The following KATNIP variants were observed in gnomAD, a reference collection of about 807,000 sequenced individuals.
KATNIP encodes katanin-interacting protein.
KATNIP carries 126 observed loss-of-function variants against 174.0 expected under a neutral mutation model. The ratio of observed to expected loss-of-function variants is 0.72; its 90% confidence interval spans 0.63 to 0.84. KATNIP has a LOEUF of 0.84. Ranked by LOEUF, KATNIP falls within the 40% of genes least tolerant of loss-of-function variation. The pLI is 0.00. For synonymous variants in KATNIP, 810 were observed against 835.7 expected (o/e 0.97, Z 0.53); for missense variants, 1,958 against 2,109.7 (o/e 0.93, Z 1.41).
chr16:27,605,610 G>A (rs1039267269), intron 2 of KATNIP, among the ~76,000 whole-genome samples: 4 of 152,160 alleles, frequency 2.6e-5, no homozygotes, highest in Non-Finnish European at 4.4e-5. Flanking sequence ...TCTGGCATGC[G>A]CGTAGGATGT....
At chr16:27,656,683 G>A (rs1386382171) in intron 6 of KATNIP, among the ~76,000 whole-genome samples, 3 of 147,600 alleles carry the variant, frequency 2.0e-5, no homozygotes, top group Admixed American at 6.9e-5. Flanking sequence ...GTAAACTATC[G>A]CAAGAACAAA....
chr16:27,761,797 C>T (rs1232261911), intron 19 of KATNIP, among the ~76,000 whole-genome samples: 3 of 152,198 alleles, frequency 2.0e-5, no homozygotes, highest in African/African-American at 7.2e-5. Flanking sequence ...CAGGGCCACA[C>T]AGCTGGAAGT....
rs1269499570 is a variant in KATNIP at position 27,775,686 on chromosome 16, C to T, written c.4449+602C>T. On this transcript the variant is annotated intron_variant, in intron 24 of 27. Transcript: ENST00000261588. ...GGAGAGGAAGGGGAGAGGGCATGGA[C>T]GGGGTGGTCAGCCCCCCTGCAGCCT... Among the ~76,000 whole-genome samples the T allele has an allele frequency of 1.2e-4, 18 of 152,144 alleles. No homozygotes were observed. The East Asian group carries it at 2.7e-3, about 23-fold the overall frequency.
At chr16:27,691,062 C>A (rs1412349481) in intron 8 of KATNIP, among the ~76,000 whole-genome samples, 1 of 152,186 alleles carries the variant, frequency 6.6e-6, no homozygotes, top group Admixed American at 6.5e-5. Context: ...TATAATAGAC[C>A]CTTGTTGTCC....
chr16:27,628,580 A>C, intron 3 of KATNIP, 81 bp from the exon 4 acceptor site: 3 of 1,428,364 alleles, frequency 2.1e-6, no homozygotes, highest in Non-Finnish European at 2.9e-6. Flanking sequence ...CTGTGGGAAC[A>C]GCAGTTCACT....
chr16:27,671,025 C>G (rs575414399), intron 6 of KATNIP, among the ~76,000 whole-genome samples: 45 of 152,054 alleles, frequency 3.0e-4, no homozygotes, highest in Middle Eastern at 3.4e-3. Context: ...AACTCCATCT[C>G]TACTAAAAAT....
intron 3 of KATNIP, among the ~76,000 whole-genome samples, chr16:27,625,192 T>C (rs1192189921): frequency 1.3e-5 from 2 of 152,260 alleles, no homozygotes; most frequent in Non-Finnish European, 1.5e-5. Context: ...GGAGTTCCTT[T>C]AGCAATTCCT....
chr16:27,759,588 T>G (rs924892949), intron 18 of KATNIP, among the ~76,000 whole-genome samples: 1 of 152,012 alleles, frequency 6.6e-6, no homozygotes, highest in Non-Finnish European at 1.5e-5. Flanking sequence ...AGCAGGGAGG[T>G]GGACCAGCAG....
chr16:27,568,500 C>G (rs2090170225), intron 1 of KATNIP, among the ~76,000 whole-genome samples: 1 of 151,978 alleles, frequency 6.6e-6, no homozygotes, highest in African/African-American at 2.4e-5. Context: ...CCAAGTCTCG[C>G]TCTGTCGCCA....
intron 9 of KATNIP, 174 bp from the exon 10 acceptor site, chr16:27,699,360 C>G: frequency 1.3e-6 from 1 of 769,162 alleles, no homozygotes; most frequent in Non-Finnish European, 1.6e-6. Flanking sequence ...TTTGGGGCAT[C>G]CATCGAGCAG....
intron 2 of KATNIP, among the ~76,000 whole-genome samples, chr16:27,583,125 A>G (rs911602780): frequency 2.6e-5 from 4 of 152,190 alleles, no homozygotes; most frequent in Admixed American, 2.6e-4. Flanking sequence ...AAAGAGAATC[A>G]ATTTCTGATA....
chr16:27,583,402 A>C (rs1349577709), intron 2 of KATNIP, among the ~76,000 whole-genome samples: 1 of 152,152 alleles, frequency 6.6e-6, no homozygotes, highest in Non-Finnish European at 1.5e-5. Flanking sequence ...CTCCACCCCC[A>C]GAAGTCACTG....
chr16:27,557,430 ATTT>A (rs35106167), intron 1 of KATNIP, among the ~76,000 whole-genome samples: 36 of 119,408 alleles, frequency 3.0e-4, no homozygotes, highest in South Asian at 5.8e-4. Context: ...ACAGGTGTGG[ATTT>A]TTTTTTTTTT....
chr16:27,658,022 G>T (rs1567264305), intron 6 of KATNIP, among the ~76,000 whole-genome samples: 1 of 152,186 alleles, frequency 6.6e-6, no homozygotes, highest in Non-Finnish European at 1.5e-5. Flanking sequence ...CTGGGTGAAG[G>T]GTACATGGGC....
chr16:27,672,453 G>A (rs368421459), intron 6 of KATNIP, among the ~76,000 whole-genome samples: 1 of 152,268 alleles, frequency 6.6e-6, no homozygotes, highest in East Asian at 1.9e-4. Flanking sequence ...TGCATTGCCT[G>A]CCTGTCTCCT....
chr16:27,698,629 G>A (rs1047218287), intron 9 of KATNIP, 129 bp downstream of exon 9: 14 of 892,142 alleles, frequency 1.6e-5, no homozygotes, highest in South Asian at 9.4e-5. Context: ...AGACTCATCC[G>A]TGTTTCCACT....
intron 1 of KATNIP, among the ~76,000 whole-genome samples, chr16:27,555,243 C>T (rs553249930): frequency 1.3e-5 from 2 of 152,308 alleles, no homozygotes; most frequent in South Asian, 4.1e-4. Flanking sequence ...GCTTAAATGT[C>T]TAGCAGATGC....
intron 14 of KATNIP, among the ~76,000 whole-genome samples, chr16:27,731,864 A>G (rs2080702285): frequency 6.6e-6 from 1 of 151,680 alleles, no homozygotes; most frequent in Admixed American, 6.6e-5. Flanking sequence ...CAGGTTATCC[A>G]CCCACCTTGG....
At chr16:27,691,621 G>A (rs113648540) in intron 8 of KATNIP, among the ~76,000 whole-genome samples, 2 of 152,222 alleles carry the variant, frequency 1.3e-5, no homozygotes, top group African/African-American at 2.4e-5. Flanking sequence ...GAACTGGGGC[G>A]CCATGTAGGA....
Sources: allele counts gnomAD v4.1 joint callset (sites outside exome capture counted in the v4.1 genomes callset), GRCh38; gene constraint gnomAD v4.1.1; transcripts MANE v1.5; gene names NCBI Gene and HGNC (gene_info 2026-07-23, HGNC 2026-07-21).